Variants in ANKRD17 observed in about 807,000 individuals in gnomAD.
ANKRD17 encodes ankyrin repeat domain 17.
A neutral mutation model predicts 229.7 loss-of-function variants in ANKRD17; 19 were observed. The observed-to-expected ratio is 0.08, with a 90% CI of 0.06 to 0.12. The LOEUF (loss-of-function observed/expected upper bound fraction) is 0.12, where lower values mean the gene tolerates loss of function less well. ANKRD17 is among the 10% of genes least tolerant of loss of function. ANKRD17 has a pLI of 1.00. For missense variants in ANKRD17, 2,176 were observed against 3,176.8 expected (o/e 0.68, Z 7.57); for synonymous variants, 1,112 against 1,146.1 (o/e 0.97, Z 0.60).
In ANKRD17 at chr4:73,181,612, T is replaced by C. The variant is rs76520446; in HGVS notation, c.394-4079A>G. Among the ~76,000 whole-genome samples, 450 of 152,242 alleles carry C rather than the reference T, an allele frequency of 3.0e-3. 2 individuals are homozygous for C. The highest frequency in any genetic ancestry group is 5.7e-3 in the Admixed American group (87 of 15,294). ...ATACCACATCCCCAGCTGAGACAGT[T>C]CAGATTAAAAACTAAAATGAATTTT... On this transcript the variant is annotated intron_variant, in intron 1 of 33. Transcript: ENST00000358602.
intron 1 of ANKRD17, among the ~76,000 whole-genome samples, chr4:73,192,375 T>A (rs1196846210): frequency 1.3e-5 from 2 of 151,904 alleles, no homozygotes; most frequent in African/African-American, 4.8e-5. Context: ...AACAAAAACA[T>A]GGTATGTACC....
intron 1 of ANKRD17, among the ~76,000 whole-genome samples, chr4:73,198,966 C>T (rs1738268843): frequency 6.6e-6 from 1 of 152,088 alleles, no homozygotes; most frequent in Non-Finnish European, 1.5e-5. Context: ...AAGAGTATAG[C>T]ATCAAAAACT....
At chr4:73,092,381 CACAA>C (rs1722873672) in intron 28 of ANKRD17, 81 bp from the exon 29 acceptor site, 18 of 1,072,598 alleles carry the variant, frequency 1.7e-5, no homozygotes, top group East Asian at 9.9e-5. Flanking sequence ...TATTTATGTA[CACAA>C]ACACACACAC....
chr4:73,137,611 T>C (rs1318097734), intron 15 of ANKRD17, among the ~76,000 whole-genome samples: 2 of 152,300 alleles, frequency 1.3e-5, no homozygotes, highest in East Asian at 1.9e-4. Flanking sequence ...TGCATGTGTG[T>C]GAATGTGCAC....
intron 1 of ANKRD17, among the ~76,000 whole-genome samples, chr4:73,226,093 A>G (rs552127301): frequency 6.9e-6 from 1 of 144,968 alleles, no homozygotes; most frequent in Admixed American, 7.2e-5. Context: ...CTCCTGCCTC[A>G]GCTTCCCGAG....
intron 1 of ANKRD17, among the ~76,000 whole-genome samples, chr4:73,224,067 C>T (rs982298921): frequency 2.0e-5 from 3 of 152,068 alleles, no homozygotes; most frequent in Non-Finnish European, 4.4e-5. Flanking sequence ...ACCAGCCTGG[C>T]CAACATGGTG....
At chr4:73,118,880 CTTT>C (rs751549226) in intron 21 of ANKRD17, 30 bp from the exon 22 acceptor site, 26,612 of 776,652 alleles carry the variant, frequency 0.034, no homozygotes, top group Middle Eastern at 0.042. Context: ...ATAGCATTGT[CTTT>C]TTTTTTTTTT....
intron 1 of ANKRD17, among the ~76,000 whole-genome samples, chr4:73,237,739 T>C (rs564837962): frequency 1.3e-5 from 2 of 152,262 alleles, no homozygotes; most frequent in African/African-American, 4.8e-5. Context: ...GCTTTCATAT[T>C]CCCAGAAAAG....
chr4:73,212,379 T>G (rs1740394480), intron 1 of ANKRD17, among the ~76,000 whole-genome samples: 1 of 152,186 alleles, frequency 6.6e-6, no homozygotes, highest in African/African-American at 2.4e-5. Context: ...TAACACTTTA[T>G]AAAAGATATA....
In ANKRD17 at chr4:73,118,796, T is replaced by A. The variant is rs1430843955; in HGVS notation, c.4080A>T (p.Ala1360=). Residue 1360 remains alanine (A), a synonymous_variant, in exon 22 of 34, where the codon GCA becomes GCT. Transcript: ENST00000358602. Reference sequence around the variant, plus strand: ...CCACATCGAGGTGTCCACCATTTGCTGCTAGCCACAATGGAGTGTTCCCCT... The same window carrying A: ...CCACATCGAGGTGTCCACCATTTGCAGCTAGCCACAATGGAGTGTTCCCCT... ...NKKGNTPLWL[A]ANGGHLDVVQ... is the part of the protein sequence containing the mutation. 6.2e-7 allele frequency: 1 copy of A among 1,613,790 alleles called. No homozygotes were observed. Among genetic ancestry groups the A allele is most frequent in the Admixed American group, 1.7e-5 (1 of 59,992 alleles).
chr4:73,145,528 T>A (rs1051784381), intron 10 of ANKRD17, among the ~76,000 whole-genome samples: 2 of 152,170 alleles, frequency 1.3e-5, no homozygotes, highest in Non-Finnish European at 2.9e-5. Context: ...TATGGCATTT[T>A]TTATTTCTTT....
At chr4:73,218,825 G>A (rs767325415) in intron 1 of ANKRD17, among the ~76,000 whole-genome samples, 1 of 152,054 alleles carries the variant, frequency 6.6e-6, no homozygotes, top group Non-Finnish European at 1.5e-5. Context: ...CACTTTGAGA[G>A]GCTGAGGCAT....
chr4:73,193,909 G>T (rs1737481410), intron 1 of ANKRD17, among the ~76,000 whole-genome samples: 1 of 152,108 alleles, frequency 6.6e-6, no homozygotes. Context: ...TCTAGCCTGG[G>T]TGACAGAGTG....
rs573953419 is a variant in ANKRD17 at position 73,142,837 on chromosome 4, A to C, written c.1958-70T>G. 176 of 1,501,646 alleles carry C rather than the reference A, an allele frequency of 1.2e-4. No individual in the cohort carries two copies. In the Admixed American group the frequency reaches 2.2e-3, roughly 19 times the overall value. 93.0% of individuals were successfully genotyped at this position (1,501,646 alleles called of 1,614,324 possible). On this transcript the variant is annotated intron_variant, in intron 11 of 33. Transcript: ENST00000358602. ...TTCTTAAAATTATGGTAAATTTAAA[A>C]ATCATGAAGAGTAGAGAAAATAGTA...
intron 1 of ANKRD17, among the ~76,000 whole-genome samples, chr4:73,242,927 C>T (rs1183165614): frequency 6.6e-6 from 1 of 152,144 alleles, no homozygotes; most frequent in Non-Finnish European, 1.5e-5. Flanking sequence ...TACAGTGCAA[C>T]TTACTCAGTT....
chr4:73,131,532 G>A (rs939977165), intron 16 of ANKRD17, among the ~76,000 whole-genome samples: 2 of 152,162 alleles, frequency 1.3e-5, no homozygotes, highest in Admixed American at 1.3e-4. Context: ...CTAGGCAGTG[G>A]ACACGTTTCT....
intron 15 of ANKRD17, among the ~76,000 whole-genome samples, chr4:73,137,247 T>A (rs1486926536): frequency 1.3e-5 from 2 of 152,016 alleles, no homozygotes; most frequent in Non-Finnish European, 2.9e-5. Flanking sequence ...GAACCACACA[T>A]CAGAAAAGTT....
intron 2 of ANKRD17, among the ~76,000 whole-genome samples, chr4:73,164,783 C>T (rs931724028): frequency 1.3e-5 from 2 of 150,250 alleles, no homozygotes; most frequent in Non-Finnish European, 3.0e-5. Context: ...CAAAATGAGA[C>T]TCTCTCCAAA....
rs763996324 is a variant in ANKRD17 at position 73,078,245 on chromosome 4, C to G, written c.7408+397G>C. 2.0e-5 allele frequency among the ~76,000 whole-genome samples: 3 copies of G among 152,178 alleles called. No homozygotes were observed. In the East Asian group the frequency reaches 5.8e-4, roughly 29 times the overall value. On this transcript the variant is annotated intron_variant, in intron 31 of 33. Coordinates refer to ENST00000358602, the MANE Select transcript of ANKRD17 (RefSeq NM_032217.5). ...TACAAAAATTAGCCGGGCGTGGTGG[C>G]GGGCGCCTGTAGTCTCAGCTACTTG...
Sources: allele counts gnomAD v4.1 joint callset (sites outside exome capture counted in the v4.1 genomes callset), GRCh38; gene constraint gnomAD v4.1.1; transcripts MANE v1.5; gene names NCBI Gene and HGNC (gene_info 2026-07-23, HGNC 2026-07-21).